The following ADK variants were observed in gnomAD, a reference collection of about 807,000 sequenced individuals.
ADK encodes the protein N6,N6-dimethyladenosine kinase.
ADK carries 24 observed loss-of-function variants against 44.7 expected under a neutral mutation model. The ratio of observed to expected loss-of-function variants is 0.54; its 90% CI spans 0.39 to 0.76. The LOEUF is 0.76. Among genes scored for constraint, ADK ranks in the 30% least tolerant of loss-of-function variants. ADK has a pLI of 0.00. For missense variants in ADK, 321 were observed against 425.1 expected (o/e 0.76, Z 2.15); for synonymous variants, 128 against 142.6 (o/e 0.90, Z 0.73).
chr10:74,420,117 C>G (rs940881415), intron 6 of ADK, among the ~76,000 whole-genome samples: 17 of 152,288 alleles, frequency 1.1e-4, no homozygotes, highest in African/African-American at 3.4e-4. Context: ...TTGCTTAGCC[C>G]TACATAGTTA....
At chr10:74,237,818 G>T (rs1478700790) in intron 3 of ADK, among the ~76,000 whole-genome samples, 1 of 152,122 alleles carries the variant, frequency 6.6e-6, no homozygotes, top group Non-Finnish European at 1.5e-5. Flanking sequence ...TTTAAAAGGG[G>T]CCAGGCATGG....
At chr10:74,185,897 G>A (rs1002065002) in intron 1 of ADK, among the ~76,000 whole-genome samples, 6 of 150,694 alleles carry the variant, frequency 4.0e-5, no homozygotes, top group African/African-American at 1.5e-4. Flanking sequence ...GCCCAGGCTG[G>A]AGTGCAGCTG....
chr10:74,524,003 T>A (rs1021023737), intron 6 of ADK, among the ~76,000 whole-genome samples: 4 of 152,154 alleles, frequency 2.6e-5, no homozygotes, highest in Non-Finnish European at 4.4e-5. Flanking sequence ...CCAAATAGAT[T>A]CCTACCCTGC....
chr10:74,206,899 G>A (rs932579678), intron 2 of ADK, among the ~76,000 whole-genome samples: 1 of 152,146 alleles, frequency 6.6e-6, no homozygotes, highest in African/African-American at 2.4e-5. Flanking sequence ...TGGAGCCTTT[G>A]CCTGAGGTTT....
chr10:74,192,190 TG>T (rs950837724), intron 1 of ADK, among the ~76,000 whole-genome samples: 25 of 152,118 alleles, frequency 1.6e-4, no homozygotes, highest in African/African-American at 5.8e-4. Context: ...ACATTTATTA[TG>T]TTTCCAGATT....
At chr10:74,371,597 A>T in intron 4 of ADK, 1 of 1,155,162 alleles carries the variant, frequency 8.7e-7, no homozygotes, top group Non-Finnish European at 1.3e-6. Context: ...TCCTTGCAGC[A>T]GGAACCTGCT....
intron 4 of ADK, among the ~76,000 whole-genome samples, chr10:74,365,289 C>T (rs955761902): frequency 6.6e-6 from 1 of 152,184 alleles, no homozygotes; most frequent in Non-Finnish European, 1.5e-5. Flanking sequence ...ATTCTCCCCT[C>T]CAGCTAGCCC....
rs149686140 is a variant in ADK at position 74,603,590 on chromosome 10, A to G, written c.877+3097A>G. Among the ~76,000 whole-genome samples the G allele has an allele frequency of 4.0e-3, 612 of 152,232 alleles. 7 individuals are homozygous for G. Among genetic ancestry groups the G allele is most frequent in the African/African-American group, 0.014 (575 of 41,522 alleles). On this transcript the variant is annotated intron_variant, in intron 9 of 10. Transcript: ENST00000539909. ...ATGTCCCTGCAAAGGACGTGAATTCATCCTTGTTATGGCTGCATAGTATTC... is the reference window on the plus strand; with the variant it reads ...ATGTCCCTGCAAAGGACGTGAATTCGTCCTTGTTATGGCTGCATAGTATTC...
chr10:74,350,957 G>A (rs1841943433), intron 4 of ADK, among the ~76,000 whole-genome samples: 1 of 152,100 alleles, frequency 6.6e-6, no homozygotes, highest in Admixed American at 6.6e-5. Context: ...ACCAAAAAAA[G>A]CCCAGGACCA....
intron 7 of ADK, among the ~76,000 whole-genome samples, chr10:74,557,943 C>T: frequency 6.6e-6 from 1 of 152,112 alleles, no homozygotes; most frequent in East Asian, 1.9e-4. Flanking sequence ...GAGGTTTGGC[C>T]TTAACATAGG....
chr10:74,695,472 ATGTGTG>A lies in ADK; in HGVS notation c.965-12829_965-12824del, dbSNP rs66502036. 1.4e-3 allele frequency among the ~76,000 whole-genome samples: 213 copies of A among 148,638 alleles called. 3 individuals are homozygous for A. The East Asian group carries it at 0.027, about 19-fold the overall frequency. On this transcript the variant is annotated intron_variant, in intron 10 of 10. Coordinates refer to ENST00000539909, the MANE Select transcript of ADK (RefSeq NM_006721.4). The stretch of plus-strand genomic sequence containing the variant: ...AAAACTGTTGCTCTTGTATATATAT[ATGTGTG>A]TGTGTGTGTGTGTGTGTGTATGTGT...
intron 9 of ADK, among the ~76,000 whole-genome samples, chr10:74,653,146 C>T (rs765725979): frequency 2.0e-5 from 3 of 152,094 alleles, no homozygotes; most frequent in Non-Finnish European, 4.4e-5. Context: ...ACTTTAGATC[C>T]TTTAACAGAA....
At chr10:74,595,675 GCCATATCAGTTCAAC>G (rs1851890602) in intron 8 of ADK, among the ~76,000 whole-genome samples, 3 of 19,836 alleles carry the variant, frequency 1.5e-4, no homozygotes, top group South Asian at 2.5e-3. Context: ...CGCGCCCATC[GCCATATCAGTTCAAC>G]AGATTAAAAA....
intron 4 of ADK, among the ~76,000 whole-genome samples, chr10:74,359,537 C>T (rs1358571853): frequency 6.6e-6 from 1 of 151,986 alleles, no homozygotes; most frequent in South Asian, 2.1e-4. Flanking sequence ...GCGTGACCGT[C>T]CCTACAAAAA....
At chr10:74,494,503 T>A (rs545382498) in intron 6 of ADK, among the ~76,000 whole-genome samples, 1 of 152,326 alleles carries the variant, frequency 6.6e-6, no homozygotes, top group South Asian at 2.1e-4. Context: ...TCTTTTTGTT[T>A]CCTTAGGTTT....
chr10:74,548,036 C>T (rs1248481346), intron 7 of ADK, among the ~76,000 whole-genome samples: 4 of 152,182 alleles, frequency 2.6e-5, no homozygotes, highest in Non-Finnish European at 5.9e-5. Context: ...TTGTGATCCA[C>T]CTGCCTTGGC....
intron 8 of ADK, among the ~76,000 whole-genome samples, chr10:74,599,447 T>C (rs2133960880): frequency 6.6e-6 from 1 of 152,328 alleles, no homozygotes; most frequent in Non-Finnish European, 1.5e-5. Flanking sequence ...ATATATACTT[T>C]ATTTATGCCA....
intron 3 of ADK, among the ~76,000 whole-genome samples, chr10:74,252,894 G>A (rs906908526): frequency 1.3e-5 from 2 of 152,210 alleles, no homozygotes; most frequent in Non-Finnish European, 2.9e-5. Context: ...CTCATATTGG[G>A]TGGCATTAGA....
At chr10:74,329,141 A>G (rs963247222) in intron 4 of ADK, among the ~76,000 whole-genome samples, 1 of 144,012 alleles carries the variant, frequency 6.9e-6, no homozygotes, top group Admixed American at 6.9e-5. Context: ...GAAATTCTAT[A>G]GGGTGTGGAG....
Sources: allele counts gnomAD v4.1 joint callset (sites outside exome capture counted in the v4.1 genomes callset), GRCh38; gene constraint gnomAD v4.1.1; transcripts MANE v1.5; gene names NCBI Gene and HGNC (gene_info 2026-07-23, HGNC 2026-07-21).